The following CELF4 variants were observed in gnomAD, a reference collection of about 807,000 sequenced individuals.
CELF4 encodes the protein CUGBP Elav-like family member 4.
A neutral mutation model predicts 59.9 loss-of-function variants in CELF4; 18 were observed. That is an observed-to-expected ratio of 0.30 (90% CI 0.21 to 0.45). The LOEUF is 0.45. Ranked by LOEUF, CELF4 falls within the 20% of genes least tolerant of loss-of-function variation. The pLI, the probability that CELF4 is intolerant of heterozygous loss-of-function variation, is 1.00. For synonymous variants in CELF4, 261 were observed against 267.1 expected (o/e 0.98, Z 0.22); for missense variants, 456 against 689.0 (o/e 0.66, Z 3.79).
At chr18:37,265,076 G>A (rs760069814) in intron 9 of CELF4, among the ~76,000 whole-genome samples, 4 of 148,666 alleles carry the variant, frequency 2.7e-5, no homozygotes, top group Admixed American at 6.6e-5. Context: ...GTGGGTGTAC[G>A]TGTGTGTACA....
Position 37,547,160 on chromosome 18 carries a change from G to GTGGTGTGTGTGTGTGT in CELF4, c.286+18195_286+18196insACACACACACACACCA, listed in dbSNP as rs61235122. Among the ~76,000 whole-genome samples the GTGGTGTGTGTGTGTGT allele has an allele frequency of 5.5e-5, 8 of 144,252 alleles. No individual in the cohort carries two copies. In the Admixed American group the frequency reaches 5.6e-4, roughly 10 times the overall value. 94.6% of individuals were successfully genotyped at this position (144,252 alleles called of 152,430 possible). ...GCTTAGTGTATGTGTGTGTGTGTGTGGTGTGTGTGTGTGTGTGTGTGTGTG... is the reference window on the plus strand; with the variant it reads ...GCTTAGTGTATGTGTGTGTGTGTGTGTGGTGTGTGTGTGTGTGTGTGTGTGTGTGTGTGTGTGTGTG... On this transcript the variant is annotated intron_variant, in intron 1 of 12. Coordinates refer to ENST00000420428, the MANE Select transcript of CELF4 (RefSeq NM_020180.4).
At chr18:37,268,410 G>T (rs1286839706) in intron 8 of CELF4, among the ~76,000 whole-genome samples, 1 of 152,152 alleles carries the variant, frequency 6.6e-6, no homozygotes, top group Non-Finnish European at 1.5e-5. Context: ...TTGTGCTCTT[G>T]GTCTTTCCAG....
rs60532435 is a variant in CELF4 at position 37,338,759 on chromosome 18, CGTGT to C, written c.370-16882_370-16879del. 5.7e-3 allele frequency among the ~76,000 whole-genome samples: 824 copies of C among 145,656 alleles called. 5 individuals carry two copies. The highest frequency in any genetic ancestry group is 0.019 in the African/African-American group (755 of 39,610). ...TTAATGGACTTGAAAATGCAGGAGC[CGTGT>C]GTGTGTGTGTGTGTGTGTGTGTGTG... On this transcript the variant is annotated intron_variant, in intron 2 of 12. Transcript: ENST00000420428.
chr18:37,465,746 T>TGGAA (rs370241081), intron 2 of CELF4, among the ~76,000 whole-genome samples: 1 of 152,188 alleles, frequency 6.6e-6, no homozygotes, highest in African/African-American at 2.4e-5. Flanking sequence ...GTAAGTGTAA[T>TGGAA]GGAAGGGAAT....
chr18:37,324,765 C>G (rs934951929), intron 2 of CELF4, among the ~76,000 whole-genome samples: 1 of 152,194 alleles, frequency 6.6e-6, no homozygotes, highest in African/African-American at 2.4e-5. Context: ...AGAACAGGAA[C>G]AGCTGCTATA....
intron 2 of CELF4, among the ~76,000 whole-genome samples, chr18:37,332,050 C>T (rs1335593721): frequency 6.6e-6 from 1 of 152,156 alleles, no homozygotes; most frequent in Non-Finnish European, 1.5e-5. Context: ...GGTGACTGGA[C>T]AGAGGTGCCC....
chr18:37,544,337 T>G (rs1211338029), intron 1 of CELF4, among the ~76,000 whole-genome samples: 2 of 152,084 alleles, frequency 1.3e-5, no homozygotes, highest in African/African-American at 4.8e-5. Context: ...TAAAGGGATT[T>G]GTCCAACTCA....
chr18:37,324,052 C>A (rs2097212714), intron 2 of CELF4, among the ~76,000 whole-genome samples: 1 of 152,092 alleles, frequency 6.6e-6, no homozygotes, highest in Non-Finnish European at 1.5e-5. Flanking sequence ...ACCCCCACCC[C>A]ACAAAATCTG....
chr18:37,367,414 GC>G (rs1466476744), intron 2 of CELF4, among the ~76,000 whole-genome samples: 2 of 152,008 alleles, frequency 1.3e-5, no homozygotes, highest in Admixed American at 1.3e-4. Flanking sequence ...GATTCTCCCA[GC>G]CCTGGGAGGC....
chr18:37,526,713 A>G (rs2099964225), intron 1 of CELF4, among the ~76,000 whole-genome samples: 1 of 152,198 alleles, frequency 6.6e-6, no homozygotes, highest in Non-Finnish European at 1.5e-5. Context: ...CCTTCTTGAC[A>G]AAGGTATTCC....
intron 2 of CELF4, among the ~76,000 whole-genome samples, chr18:37,475,093 C>T (rs1282903217): frequency 1.3e-5 from 2 of 152,210 alleles, no homozygotes; most frequent in Non-Finnish European, 1.5e-5. Context: ...CAGCAACACC[C>T]GCAGTGGAAG....
chr18:37,259,467 T>C (rs1208885873), intron 10 of CELF4, among the ~76,000 whole-genome samples: 1 of 152,220 alleles, frequency 6.6e-6, no homozygotes, highest in African/African-American at 2.4e-5. Flanking sequence ...GTCTCTGCTC[T>C]GCCCTTGGGC....
intron 2 of CELF4, among the ~76,000 whole-genome samples, chr18:37,358,105 G>A (rs1159444705): frequency 6.6e-6 from 1 of 152,128 alleles, no homozygotes; most frequent in African/African-American, 2.4e-5. Context: ...TTTGAAATGT[G>A]AGGACCTAAG....
chr18:37,362,186 C>G (rs1328257221), intron 2 of CELF4, among the ~76,000 whole-genome samples: 1 of 152,162 alleles, frequency 6.6e-6, no homozygotes, highest in Non-Finnish European at 1.5e-5. Context: ...AACTTGGCGT[C>G]TGAGGTGCAG....
chr18:37,430,535 G>A (rs577744584), intron 2 of CELF4, among the ~76,000 whole-genome samples: 1 of 152,298 alleles, frequency 6.6e-6, no homozygotes, highest in African/African-American at 2.4e-5. Flanking sequence ...GCCTGCTGGG[G>A]CTTTAAACAA....
intron 1 of CELF4, among the ~76,000 whole-genome samples, chr18:37,543,226 TC>T (rs1287460879): frequency 6.6e-6 from 1 of 152,136 alleles, no homozygotes; most frequent in Admixed American, 6.5e-5. Flanking sequence ...CCCATTTCAT[TC>T]CCATCCCGAG....
chr18:37,398,296 G>T (rs2066504147), intron 2 of CELF4, among the ~76,000 whole-genome samples: 1 of 152,198 alleles, frequency 6.6e-6, no homozygotes, highest in African/African-American at 2.4e-5. Context: ...GCAAACGAGG[G>T]CCAGGATGAC....
intron 1 of CELF4, among the ~76,000 whole-genome samples, chr18:37,488,292 T>A (rs1043638266): frequency 6.6e-6 from 1 of 152,132 alleles, no homozygotes. Flanking sequence ...GAGTCACATA[T>A]ATTTGCTCTT....
intron 2 of CELF4, among the ~76,000 whole-genome samples, chr18:37,430,196 C>T (rs1627053): frequency 0.12 from 18,987 of 152,224 alleles, 1,223 homozygotes; most frequent in Middle Eastern, 0.17. Context: ...CCTGCCCAGT[C>T]CCATGCCTCC....
Sources: allele counts gnomAD v4.1 joint callset (sites outside exome capture counted in the v4.1 genomes callset), GRCh38; gene constraint gnomAD v4.1.1; transcripts MANE v1.5; gene names NCBI Gene and HGNC (gene_info 2026-07-23, HGNC 2026-07-21).